The following ROCK2 variants were observed in gnomAD, a reference collection of about 807,000 sequenced individuals.
The protein encoded by ROCK2 is rho-associated protein kinase 2.
Under a neutral mutation model 195.1 loss-of-function variants are expected in ROCK2, and 61 were observed. The observed-to-expected ratio is 0.31, with a 90% CI of 0.25 to 0.39. ROCK2 has a LOEUF of 0.39. Among genes scored for constraint, ROCK2 ranks in the 10% least tolerant of loss-of-function variants. The pLI, the probability that ROCK2 is intolerant of heterozygous loss-of-function variation, is 1.00. For synonymous variants in ROCK2, 504 were observed against 545.5 expected, an observed-to-expected ratio of 0.92 and a Z score of 1.06; for missense variants, 1,109 against 1,637.4, an observed-to-expected ratio of 0.68 and a Z score of 5.57.
In ROCK2 at chr2:11,179,821, A is replaced by G. The variant is rs182762335; in HGVS notation, c.*3616T>C. The G allele has an allele frequency of 6.8e-4, 103 of 152,274 alleles. No individual in the cohort carries two copies. The highest frequency in any genetic ancestry group is 2.4e-3 in the African/African-American group (99 of 41,516). 9.4% of individuals were successfully genotyped at this position (152,274 alleles called of 1,614,324 possible). On this transcript the variant is annotated 3_prime_UTR_variant, in exon 33 of 33. Transcript: ENST00000315872. ...TTTTATAAAAAAGCAGGCATAAAAT[A>G]CAATTACATTACTACGAAGATGCAA... is the stretch of plus-strand genomic sequence containing the variant.
chr2:11,320,011 C>A (rs1055456257), intron 1 of ROCK2, among the ~76,000 whole-genome samples: 1 of 152,154 alleles, frequency 6.6e-6, no homozygotes, highest in African/African-American at 2.4e-5. Context: ...AGCTTTGTTA[C>A]TGTTAACCTG....
intron 28 of ROCK2, among the ~76,000 whole-genome samples, chr2:11,194,729 A>C (rs1390088463): frequency 6.6e-6 from 1 of 152,112 alleles, no homozygotes; most frequent in African/African-American, 2.4e-5. Flanking sequence ...AAGTATCAAA[A>C]TCAACAATTT....
chr2:11,275,881 G>C (rs1196249504), intron 3 of ROCK2, among the ~76,000 whole-genome samples: 1 of 151,916 alleles, frequency 6.6e-6, no homozygotes, highest in Non-Finnish European at 1.5e-5. Flanking sequence ...TGTATTTTTA[G>C]AAGAGATGGG....
chr2:11,221,636 C>T (rs1439622827), intron 8 of ROCK2, among the ~76,000 whole-genome samples: 6 of 152,094 alleles, frequency 3.9e-5, no homozygotes, highest in African/African-American at 1.4e-4. Flanking sequence ...CCATTTTCTA[C>T]AATCTCGAAA....
intron 5 of ROCK2, among the ~76,000 whole-genome samples, chr2:11,232,336 C>T (rs961047732): frequency 2.0e-5 from 3 of 152,024 alleles, no homozygotes; most frequent in Non-Finnish European, 4.4e-5. Context: ...ACCTTGTTTC[C>T]CAGGCTGGTC....
chr2:11,254,719 C>T (rs556646082), intron 3 of ROCK2, among the ~76,000 whole-genome samples: 1 of 94,958 alleles, frequency 1.1e-5, no homozygotes, highest in African/African-American at 3.9e-5. Context: ...CAGTGAGACC[C>T]TGTCTCTTAA....
chr2:11,198,844 T>A, intron 23 of ROCK2, 70 bp from the exon 24 acceptor site: 2 of 920,932 alleles, frequency 2.2e-6, no homozygotes, highest in Non-Finnish European at 3.4e-6. Flanking sequence ...ATGATTCAAA[T>A]GAGAAACATC....
chr2:11,196,270 A>G (rs1385233369), intron 27 of ROCK2, among the ~76,000 whole-genome samples: 1 of 152,182 alleles, frequency 6.6e-6, no homozygotes. Context: ...CATGTTTCTT[A>G]TGAAGGACAT....
At chr2:11,248,482 C>T (rs987024182) in intron 4 of ROCK2, among the ~76,000 whole-genome samples, 1 of 151,816 alleles carries the variant, frequency 6.6e-6, no homozygotes, top group African/African-American at 2.4e-5. Context: ...CTAAGGCAGG[C>T]ACATCACTTG....
chr2:11,221,307 A>T lies in ROCK2; in HGVS notation c.1150T>A (p.Phe384Ile). 6.3e-7 allele frequency: 1 copy of T among 1,592,164 alleles called. No homozygotes were observed. Among genetic ancestry groups the T allele is most frequent in the Non-Finnish European group, 8.5e-7 (1 of 1,171,854 alleles). The change falls in exon 9 of 33, where the codon TTC becomes ATC. Residue 384 changes from phenylalanine to isoleucine, a missense_variant. By Grantham distance (21) the Phe-to-Ile change is conservative. Transcript: ENST00000315872. ...ELSSDIDSSNFDDIEDDKGDV... is the reference protein window; with the variant it reads ...ELSSDIDSSNIDDIEDDKGDV... Reference sequence around the variant, plus strand: ...CCTTTGTCATCTTCAATGTCATCGAAATTGCTGCTGTCTATGTCACTGCTG... The same window carrying T: ...CCTTTGTCATCTTCAATGTCATCGATATTGCTGCTGTCTATGTCACTGCTG...
intron 14 of ROCK2, 33 bp from the exon 15 acceptor site, chr2:11,215,445 G>A (rs1276614763): frequency 6.2e-7 from 1 of 1,602,902 alleles, no homozygotes; most frequent in Non-Finnish European, 8.5e-7. Context: ...GGCAAGCTTA[G>A]CATAACACAC....
intron 1 of ROCK2, among the ~76,000 whole-genome samples, chr2:11,333,849 A>C (rs1168929640): frequency 6.6e-6 from 1 of 152,244 alleles, no homozygotes; most frequent in Non-Finnish European, 1.5e-5. Context: ...AAATGTGTTT[A>C]ACCAGAAAAA....
Position 11,243,076 on chromosome 2 carries a change from G to C in ROCK2, c.462+6585C>G, listed in dbSNP as rs188654892. Among the ~76,000 whole-genome samples the C allele has an allele frequency of 2.0e-4, 31 of 152,184 alleles. No individual in the cohort carries two copies. The East Asian group carries it at 6.0e-3, about 29-fold the overall frequency. On this transcript the variant is annotated intron_variant, in intron 4 of 32. Coordinates refer to ENST00000315872, the MANE Select transcript of ROCK2 (RefSeq NM_004850.5). ...GGTCCAAAGGACATCCAAGCAAAGGGGCAGCCTAGTGGGGGATATAACAGC... is the reference window on the plus strand; with the variant it reads ...GGTCCAAAGGACATCCAAGCAAAGGCGCAGCCTAGTGGGGGATATAACAGC...
At chr2:11,225,010 A>C (rs1318525375) in intron 6 of ROCK2, among the ~76,000 whole-genome samples, 1 of 152,210 alleles carries the variant, frequency 6.6e-6, no homozygotes, top group Non-Finnish European at 1.5e-5. Context: ...ACAGATTTAA[A>C]TCATTTACAT....
intron 3 of ROCK2, among the ~76,000 whole-genome samples, chr2:11,279,340 AT>A (rs1197200444): frequency 6.6e-6 from 1 of 152,250 alleles, no homozygotes; most frequent in Non-Finnish European, 1.5e-5. Context: ...ATGGAAAAAA[AT>A]ATACCATAAC....
chr2:11,226,460 CA>C (rs764704894), intron 6 of ROCK2, among the ~76,000 whole-genome samples: 2 of 152,068 alleles, frequency 1.3e-5, no homozygotes, highest in Non-Finnish European at 2.9e-5. Flanking sequence ...ACGAGAATTA[CA>C]AACAATATAT....
In ROCK2 at chr2:11,185,771, T is replaced by TAA. The variant is rs11408661; in HGVS notation, c.4164-2333_4164-2332dup. Among the ~76,000 whole-genome samples, 7 of 151,010 alleles carry TAA rather than the reference T, an allele frequency of 4.6e-5. No homozygotes were observed. The East Asian group carries it at 5.8e-4, about 12-fold the overall frequency. ...AATAAAAATAAAAATAAATAAATAATAAAAAAAAGCAGTAACTTTTTCATT... is the reference window on the plus strand; with the variant it reads ...AATAAAAATAAAAATAAATAAATAATAAAAAAAAAAGCAGTAACTTTTTCATT... On this transcript the variant is annotated intron_variant, in intron 32 of 32. Transcript: ENST00000315872.
rs776458930 is a variant in ROCK2 at position 11,249,651 on chromosome 2, G to C, written c.462+10C>G. ...AAAGGAAATAAACTTATAAAAGTTA[G>C]TATGCTTACCTGAACCACCCAGGGG... On this transcript the variant is annotated intron_variant, in intron 4 of 32. Coordinates refer to ENST00000315872, the MANE Select transcript of ROCK2 (RefSeq NM_004850.5). 2 of 1,463,518 alleles carry C rather than the reference G, an allele frequency of 1.4e-6. No individual in the cohort carries two copies. Among genetic ancestry groups the C allele is most frequent in the African/African-American group, 1.4e-5 (1 of 69,448 alleles). The allele number at this position is 1,463,518 out of a possible 1,614,324, so 90.7% of individuals were successfully genotyped here.
At chr2:11,296,004 A>AGAGGAG (rs1667514504) in intron 1 of ROCK2, among the ~76,000 whole-genome samples, 4 of 32,812 alleles carry the variant, frequency 1.2e-4, no homozygotes, top group African/African-American at 4.1e-4. Flanking sequence ...AGAGAGAGAG[A>AGAGGAG]GGAGAGAGAG....
Sources: gnomAD v4.1 joint callset for allele counts (sites outside exome capture counted in the v4.1 genomes callset) on GRCh38, gnomAD v4.1.1 for gene constraint, MANE v1.5 for transcripts, NCBI Gene and HGNC (gene_info 2026-07-23, HGNC 2026-07-21) for gene names.